CGGBP1: variants seen among roughly 807,000 people sequenced by gnomAD.
CGGBP1 encodes CGG triplet repeat-binding protein 1.
A neutral mutation model predicts 11.4 loss-of-function variants in CGGBP1; 4 were observed. The ratio of observed to expected loss-of-function variants is 0.35; its 90% CI spans 0.17 to 0.80. The LOEUF is 0.80. Among genes scored for constraint, CGGBP1 ranks in the 30% least tolerant of loss-of-function variants. CGGBP1 has a pLI of 0.52. For missense variants in CGGBP1, 135 were observed against 202.1 expected (o/e 0.67, Z 2.01); for synonymous variants, 76 against 74.1 (o/e 1.03, Z -0.13).
chr3:88,096,504 C>T (rs1472731636), intron 2 of CGGBP1, among the ~76,000 whole-genome samples: 1 of 152,102 alleles, frequency 6.6e-6, no homozygotes, highest in South Asian at 2.1e-4. Flanking sequence ...CCAAAACTAA[C>T]CAGAACCCAA....
chr3:88,059,879 T>C (rs1706754965), upstream of CGGBP1, among the ~76,000 whole-genome samples: 2 of 152,124 alleles, frequency 1.3e-5, no homozygotes, highest in South Asian at 4.1e-4. Flanking sequence ...ATTTGGCACC[T>C]CTGGTAACAT....
chr3:88,071,385 C>A (rs1707500876), intron 2 of CGGBP1, among the ~76,000 whole-genome samples: 1 of 152,174 alleles, frequency 6.6e-6, no homozygotes, highest in Non-Finnish European at 1.5e-5. Flanking sequence ...TGGCTCACTC[C>A]TGTAATCCCA....
chr3:88,061,126 A>G (rs531573417), upstream of CGGBP1, among the ~76,000 whole-genome samples: 6 of 152,288 alleles, frequency 3.9e-5, no homozygotes, highest in South Asian at 1.2e-3. Context: ...TTACATCTAG[A>G]AACCACGCTA....
At chr3:88,095,728 C>A in intron 2 of CGGBP1, 2 of 391,716 alleles carry the variant, frequency 5.1e-6, no homozygotes, top group South Asian at 2.0e-5. Context: ...TTTGACTTCT[C>A]CCCAGGCTTG....
chr3:88,129,946 A>T lies in CGGBP1; in HGVS notation c.-229+11024T>A, dbSNP rs1320312667. 8.8e-6 allele frequency: 8 copies of T among 907,570 alleles called. No homozygotes were observed. In the South Asian group the frequency reaches 1.7e-4, roughly 19 times the overall value. The allele number at this position is 907,570 out of a possible 1,614,324, so 56.2% of individuals were successfully genotyped here. On this transcript the variant is annotated intron_variant, in intron 2 of 3. Transcript: ENST00000462901. ...TCAAGCTACTTTTAAAAAAAAATTG[A>T]TTGTGCAAGGAACAATAGTAGATTC...
intron 2 of CGGBP1, among the ~76,000 whole-genome samples, chr3:88,111,183 A>G (rs531047456): frequency 1.1e-4 from 17 of 152,200 alleles, no homozygotes; most frequent in African/African-American, 3.4e-4. Flanking sequence ...GTTACTAGGA[A>G]TAGAGAAGAT....
chr3:88,141,325 T>G (rs1021818141), intron 1 of CGGBP1, among the ~76,000 whole-genome samples: 1 of 98,140 alleles, frequency 1.0e-5, no homozygotes, highest in Non-Finnish European at 2.3e-5. Context: ...GTTTTTCATA[T>G]TCTTTGATTA....
chr3:88,059,558 G>A, upstream of CGGBP1: 2 of 1,446,964 alleles, frequency 1.4e-6, no homozygotes, highest in Non-Finnish European at 1.8e-6. Flanking sequence ...GGGCCTCTCT[G>A]CGTCTCCTGG....
rs1347869373 is a variant in CGGBP1, at chr3:88,053,711, A to G, written c.*1762T>C. On this transcript the variant is annotated 3_prime_UTR_variant, in exon 4 of 4. Transcript: ENST00000482016. Reference sequence around the variant, plus strand: ...CAATTATTCCTAGCTTCTAAAATCTACCATCTTAGATAGTTCAAATTAAAC... The same window carrying G: ...CAATTATTCCTAGCTTCTAAAATCTGCCATCTTAGATAGTTCAAATTAAAC... 1 of 152,584 alleles carries G rather than the reference A, an allele frequency of 6.6e-6. No homozygotes were observed. Among genetic ancestry groups the G allele is most frequent in the Non-Finnish European group, 1.5e-5 (1 of 67,984 alleles). The allele number at this position is 152,584 out of a possible 1,614,324, so 9.5% of individuals were successfully genotyped here.
chr3:88,134,660 A>T (rs1487673826), intron 2 of CGGBP1, among the ~76,000 whole-genome samples: 1 of 152,144 alleles, frequency 6.6e-6, no homozygotes, highest in African/African-American at 2.4e-5. Flanking sequence ...AAAATGAAAA[A>T]TATGAACCAT....
At chr3:88,114,351 G>A (rs80083358) in intron 2 of CGGBP1, among the ~76,000 whole-genome samples, 1,565 of 152,274 alleles carry the variant, frequency 0.01, 26 homozygotes, top group African/African-American at 0.035. Flanking sequence ...AATGTTTGGA[G>A]TAGATGAGGG....
intron 2 of CGGBP1, among the ~76,000 whole-genome samples, chr3:88,122,990 A>C (rs1289451655): frequency 1.3e-5 from 2 of 150,952 alleles, no homozygotes; most frequent in African/African-American, 4.9e-5. Flanking sequence ...TGCCTGGGCG[A>C]CAGAGTGAGG....
upstream of CGGBP1, among the ~76,000 whole-genome samples, chr3:88,062,626 C>G (rs530255975): frequency 1.3e-5 from 2 of 152,170 alleles, no homozygotes; most frequent in East Asian, 3.9e-4. Context: ...TGATTGTAAA[C>G]TAAGGAAGTT....
chr3:88,140,795 T>A (rs61730543), intron 2 of CGGBP1: 53,891 of 1,613,632 alleles, frequency 0.033, 1,161 homozygotes, highest in Non-Finnish European at 0.039. Flanking sequence ...ATGGCTTAAT[T>A]TTAACAAAAC....
chr3:88,130,366 A>G (rs2107839906), intron 2 of CGGBP1, among the ~76,000 whole-genome samples: 1 of 152,274 alleles, frequency 6.6e-6, no homozygotes, highest in South Asian at 2.1e-4. Flanking sequence ...GGCTATAAAC[A>G]TTTTTTTAAA....
At chr3:88,103,135 C>G (rs1163420744) in intron 2 of CGGBP1, among the ~76,000 whole-genome samples, 1 of 151,780 alleles carries the variant, frequency 6.6e-6, no homozygotes, top group African/African-American at 2.4e-5. Context: ...ATAATGAAGC[C>G]CAGCTTTCAA....
At chr3:88,112,715 G>GA (rs1705166041) in intron 2 of CGGBP1, among the ~76,000 whole-genome samples, 1 of 151,806 alleles carries the variant, frequency 6.6e-6, no homozygotes, top group Non-Finnish European at 1.5e-5. Context: ...GTATCACCCT[G>GA]AAAAAAATGA....
At chr3:88,075,898 A>G (rs1707775979) in intron 2 of CGGBP1, among the ~76,000 whole-genome samples, 1 of 152,176 alleles carries the variant, frequency 6.6e-6, no homozygotes, top group Admixed American at 6.5e-5. Flanking sequence ...TATCTGACTT[A>G]AGAAAAAAAT....
rs1019230173 is a variant in CGGBP1, at chr3:88,089,028, C to T, written c.-228-30805G>A. 4.4e-4 allele frequency among the ~76,000 whole-genome samples: 67 copies of T among 151,766 alleles called. 1 individual carries two copies. The highest frequency in any genetic ancestry group is 1.8e-4 in the Non-Finnish European group (12 of 67,960). On this transcript the variant is annotated intron_variant, in intron 2 of 3. Coordinates refer to the CGGBP1 transcript ENST00000462901. ...CCTCAGATGATCTACCCACCTCAGG[C>T]TCCCAAAGTGCTGGGATTACAGGCA... is the stretch of plus-strand genomic sequence containing the variant.
Sources: gnomAD v4.1 joint callset for allele counts (sites outside exome capture counted in the v4.1 genomes callset) on GRCh38, gnomAD v4.1.1 for gene constraint, MANE v1.5 for transcripts, NCBI Gene and HGNC (gene_info 2026-07-23, HGNC 2026-07-21) for gene names.